PYGO1: variants seen among roughly 807,000 people sequenced by gnomAD.
The protein encoded by PYGO1 is pygopus family PHD finger 1.
Under a neutral mutation model 29.5 loss-of-function variants are expected in PYGO1, and 6 were observed. The observed-to-expected ratio is 0.20, with a 90% CI of 0.11 to 0.40. The LOEUF (loss-of-function observed/expected upper bound fraction) is 0.40. Ranked by LOEUF, PYGO1 falls within the 10% of genes least tolerant of loss-of-function variation. The pLI, the probability that PYGO1 is intolerant of heterozygous loss-of-function variation, is 1.00. For synonymous variants in PYGO1, 186 were observed against 180.5 expected (o/e 1.03, Z -0.24); for missense variants, 515 against 514.9 (o/e 1.00, Z 0.00).
At chr15:55,557,907 G>A (rs2058914047) in intron 1 of PYGO1, among the ~76,000 whole-genome samples, 2 of 152,150 alleles carry the variant, frequency 1.3e-5, no homozygotes, top group South Asian at 4.1e-4. Flanking sequence ...GCAAATACTG[G>A]AAGCATTCCC....
At chr15:55,555,951 G>T (rs2058902943) in intron 1 of PYGO1, among the ~76,000 whole-genome samples, 1 of 151,958 alleles carries the variant, frequency 6.6e-6, no homozygotes, top group Non-Finnish European at 1.5e-5. Flanking sequence ...AACAAGAATA[G>T]CTAACTATCC....
intron 1 of PYGO1, among the ~76,000 whole-genome samples, chr15:55,565,415 G>A (rs2058951313): frequency 6.6e-6 from 1 of 151,938 alleles, no homozygotes; most frequent in Non-Finnish European, 1.5e-5. Flanking sequence ...AAAATCATAT[G>A]TATTTTGGCC....
Position 55,540,517 on chromosome 15 carries a change from T to C in PYGO1, c.*5506A>G, listed in dbSNP as rs913262933. On this transcript the variant is annotated 3_prime_UTR_variant, in exon 3 of 3. Transcript: ENST00000563719. Reference sequence around the variant, plus strand: ...TTGTATTACAAGTGTCATGAGTTGGTAACACTAAAATTTACTCCTCTCCCA... The same window carrying C: ...TTGTATTACAAGTGTCATGAGTTGGCAACACTAAAATTTACTCCTCTCCCA... The C allele has an allele frequency of 1.3e-5, 2 of 152,118 alleles. No homozygotes were observed. The highest frequency in any genetic ancestry group is 4.8e-5 in the African/African-American group (2 of 41,452). 9.4% of individuals were successfully genotyped at this position (152,118 alleles called of 1,614,324 possible).
At chr15:55,569,778 G>T (rs1355100998) in intron 1 of PYGO1, among the ~76,000 whole-genome samples, 1 of 152,150 alleles carries the variant, frequency 6.6e-6, no homozygotes, top group Non-Finnish European at 1.5e-5. Flanking sequence ...GTGGTTGATG[G>T]ATGGTGGCTG....
At position 55,542,937 on chromosome 15, in the gene PYGO1, C is replaced by A. The variant is rs2058833969; in HGVS notation, c.*3086G>T. 9.6e-6 allele frequency: 1 copy of A among 104,480 alleles called. No individual in the cohort carries two copies. Among genetic ancestry groups the A allele is most frequent in the Admixed American group, 1.1e-4 (1 of 8,698 alleles). 6.5% of individuals were successfully genotyped at this position (104,480 alleles called of 1,614,324 possible). The stretch of plus-strand genomic sequence containing the variant: ...GAGCAAGACTGGCAAAAAACAAAAA[C>A]AAAACAAAACAAAACAAAAAAAACA... On this transcript the variant is annotated 3_prime_UTR_variant, in exon 3 of 3. Coordinates refer to ENST00000563719, the MANE Select transcript of PYGO1 (RefSeq NM_001367806.1).
intron 1 of PYGO1, among the ~76,000 whole-genome samples, chr15:55,559,179 C>T (rs929320297): frequency 2.0e-5 from 3 of 152,148 alleles, no homozygotes; most frequent in African/African-American, 7.2e-5. Context: ...AGGATATGAA[C>T]AGACACTTCT....
chr15:55,555,770 G>T (rs1205080355), intron 1 of PYGO1, among the ~76,000 whole-genome samples: 1 of 152,060 alleles, frequency 6.6e-6, no homozygotes, highest in Non-Finnish European at 1.5e-5. Flanking sequence ...TCGTTATGCT[G>T]TCTCCGAAAG....
chr15:55,576,909 C>T (rs1209358316), intron 1 of PYGO1, among the ~76,000 whole-genome samples: 1 of 151,656 alleles, frequency 6.6e-6, no homozygotes, highest in African/African-American at 2.4e-5. Flanking sequence ...ACCTTAGAAC[C>T]CCAAAATCAC....
At chr15:55,576,448 T>G (rs1595993040) in intron 1 of PYGO1, among the ~76,000 whole-genome samples, 1 of 30,338 alleles carries the variant, frequency 3.3e-5, no homozygotes, top group East Asian at 1.1e-3. Flanking sequence ...AGAGCGAGAC[T>G]CCGTCTCAAA....
At chr15:55,579,507 C>T (rs2059017290) in intron 1 of PYGO1, among the ~76,000 whole-genome samples, 1 of 151,942 alleles carries the variant, frequency 6.6e-6, no homozygotes, top group Non-Finnish European at 1.5e-5. Flanking sequence ...TAAATTATTA[C>T]TCATAAAATT....
At chr15:55,575,280 C>T (rs1442107345) in intron 1 of PYGO1, among the ~76,000 whole-genome samples, 1 of 152,200 alleles carries the variant, frequency 6.6e-6, no homozygotes, top group Non-Finnish European at 1.5e-5. Context: ...AGCCCATGAA[C>T]TTGGATTTCT....
chr15:55,583,327 A>G (rs2059032998), intron 1 of PYGO1, among the ~76,000 whole-genome samples: 1 of 152,064 alleles, frequency 6.6e-6, no homozygotes, highest in South Asian at 2.1e-4. Context: ...CTGTCCTTCT[A>G]CAATGGGTTC....
intron 1 of PYGO1, among the ~76,000 whole-genome samples, chr15:55,563,346 G>C (rs952683336): frequency 1.1e-4 from 17 of 149,680 alleles, no homozygotes; most frequent in African/African-American, 4.2e-4. Context: ...GGAGGTGGTG[G>C]TTGGTTACAT....
At position 55,542,113 on chromosome 15, in the gene PYGO1, T is replaced by C. The variant is rs1290875227; in HGVS notation, c.*3910A>G. 1.3e-5 allele frequency: 2 copies of C among 152,208 alleles called. No homozygotes were observed. Among genetic ancestry groups the C allele is most frequent in the African/African-American group, 4.8e-5 (2 of 41,458 alleles). The allele number at this position is 152,208 out of a possible 1,614,324, so 9.4% of individuals were successfully genotyped here. On this transcript the variant is annotated 3_prime_UTR_variant, in exon 3 of 3. Transcript: ENST00000563719. ...TTGAGAACTCCCTTTTAAAAAATCA[T>C]TGCTTATATATTTTCTTACTATTAA...
intron 1 of PYGO1, among the ~76,000 whole-genome samples, chr15:55,558,262 G>C (rs1382500671): frequency 6.6e-6 from 1 of 151,986 alleles, no homozygotes; most frequent in African/African-American, 2.4e-5. Flanking sequence ...GCTTCAAAGA[G>C]AATAAAATAC....
intron 1 of PYGO1, among the ~76,000 whole-genome samples, chr15:55,576,562 G>C (rs1239801411): frequency 6.7e-6 from 1 of 149,778 alleles, no homozygotes; most frequent in African/African-American, 2.5e-5. Flanking sequence ...CCTGAGGTCA[G>C]GAGTTTCAGA....
At position 55,547,010 on chromosome 15, in the gene PYGO1, A is replaced by C; in HGVS notation, c.273T>G (p.Leu91=). The C allele has an allele frequency of 4.3e-6, 7 of 1,614,124 alleles. No individual in the cohort carries two copies. Among genetic ancestry groups the C allele is most frequent in the Non-Finnish European group, 5.9e-6 (7 of 1,179,976 alleles). Residue 91 remains leucine, a synonymous_variant, in exon 3 of 3, where the codon CTT becomes CTG. Coordinates refer to ENST00000563719, the MANE Select transcript of PYGO1 (RefSeq NM_001367806.1). ...YKPLPSSNPY[L]GPGYPGFGGY... is the part of the protein sequence containing the mutation. Reference sequence around the variant, plus strand: ...CTCCAAAGCCAGGATAACCAGGGCCAAGATATGGATTTGACGAAGGTAGTG... The same window carrying C: ...CTCCAAAGCCAGGATAACCAGGGCCCAGATATGGATTTGACGAAGGTAGTG...
chr15:55,547,295 A>C (rs2058856892), intron 2 of PYGO1, 148 bp from the exon 3 acceptor site: 3 of 530,838 alleles, frequency 5.7e-6, no homozygotes, highest in Non-Finnish European at 9.2e-6. Context: ...TGACCTTTCA[A>C]TTTTGACTAA....
At position 55,552,241 on chromosome 15, in the gene PYGO1, G is replaced by A. The variant is rs186742518; in HGVS notation, c.50-3246C>T. On this transcript the variant is annotated intron_variant, in intron 1 of 2. Coordinates refer to ENST00000563719, the MANE Select transcript of PYGO1 (RefSeq NM_001367806.1). ...ATAATGGCAGGCACCTGTAATCCCAGCTACTTGGGAGGCTAAGGCAGGGAG... is the reference window on the plus strand; with the variant it reads ...ATAATGGCAGGCACCTGTAATCCCAACTACTTGGGAGGCTAAGGCAGGGAG... Among the ~76,000 whole-genome samples the A allele has an allele frequency of 2.3e-3, 355 of 151,708 alleles. 2 individuals carry two copies. Among genetic ancestry groups the A allele is most frequent in the African/African-American group, 8.2e-3 (341 of 41,350 alleles).
Sources: allele counts gnomAD v4.1 joint callset (sites outside exome capture counted in the v4.1 genomes callset), GRCh38; gene constraint gnomAD v4.1.1; transcripts MANE v1.5; gene names NCBI Gene and HGNC (gene_info 2026-07-23, HGNC 2026-07-21).